SCUBE1: variants seen among roughly 807,000 people sequenced by gnomAD.
SCUBE1 encodes the protein signal peptide, CUB and EGF-like domain-containing protein 1.
In SCUBE1, 59 loss-of-function variants were observed where a neutral mutation model predicts 124.4. That is an observed-to-expected ratio of 0.47 (90% CI 0.38 to 0.59). The LOEUF is 0.59. Among genes scored for constraint, SCUBE1 ranks in the 20% least tolerant of loss-of-function variants. The pLI is 0.00. For synonymous variants in SCUBE1, 545 were observed against 550.9 expected (o/e 0.99, Z 0.15); for missense variants, 1,150 against 1,371.2 (o/e 0.84, Z 2.55).
At chr22:43,329,509 C>T (rs1926836128) in intron 2 of SCUBE1, among the ~76,000 whole-genome samples, 1 of 152,268 alleles carries the variant, frequency 6.6e-6, no homozygotes, top group Admixed American at 6.5e-5. Flanking sequence ...TGGACACACT[C>T]CCAGCTCCAC....
rs775714469 is a variant in SCUBE1, at chr22:43,218,360, C to T, written c.1786G>A (p.Val596Ile). ...TCGTACTCAGTGCCTGAGACCTGGACATAGAACTGCTGCCGGCCGATGGAC... is the reference window on the plus strand; with the variant it reads ...TCGTACTCAGTGCCTGAGACCTGGATATAGAACTGCTGCCGGCCGATGGAC... Reference protein sequence around the residue: ...RKSIGRQQFYVQVSGTEYEVA... With the variant: ...RKSIGRQQFYIQVSGTEYEVA... The change falls in exon 15 of 22, where the codon GTC (valine) becomes ATC (isoleucine). Residue 596 changes from valine to isoleucine, a missense_variant. By Grantham distance (29) the Val-to-Ile change is conservative (BLOSUM62 3). This residue lies in a region of SCUBE1 where 757 missense variants were observed against 840.9 expected (regional missense o/e 0.90). Coordinates refer to ENST00000360835, the MANE Select transcript of SCUBE1 (RefSeq NM_173050.5). 1.9e-6 allele frequency: 3 copies of T among 1,613,388 alleles called. No homozygotes were observed. The highest frequency in any genetic ancestry group is 1.3e-5 in the African/African-American group (1 of 74,956).
chr22:43,243,995 A>G (rs1388823115), intron 6 of SCUBE1, among the ~76,000 whole-genome samples: 1 of 152,176 alleles, frequency 6.6e-6, no homozygotes, highest in Non-Finnish European at 1.5e-5. Context: ...TGGTCTTCAC[A>G]GGCGGGTCAA....
intron 3 of SCUBE1, among the ~76,000 whole-genome samples, chr22:43,308,716 G>T (rs572725857): frequency 3.0e-4 from 46 of 152,296 alleles, no homozygotes; most frequent in Admixed American, 4.6e-4. Flanking sequence ...CTCCCCCAGG[G>T]TGCAGCTGGG....
chr22:43,337,316 G>A (rs1408471464), intron 2 of SCUBE1, among the ~76,000 whole-genome samples: 8 of 152,340 alleles, frequency 5.3e-5, no homozygotes, highest in Non-Finnish European at 7.4e-5. Context: ...GGGACAGCAG[G>A]AGAGGGCCTA....
At chr22:43,306,362 G>C (rs779723591) in intron 3 of SCUBE1, among the ~76,000 whole-genome samples, 2 of 152,132 alleles carry the variant, frequency 1.3e-5, no homozygotes, top group Non-Finnish European at 2.9e-5. Flanking sequence ...CTGCAAACAG[G>C]AACAGAGGAA....
chr22:43,237,442 T>A (rs1922814338), intron 7 of SCUBE1: 1 of 152,190 alleles, frequency 6.6e-6, no homozygotes, highest in African/African-American at 2.4e-5. Context: ...GCTGTGAAGA[T>A]GCCCAGATCT....
intron 2 of SCUBE1, among the ~76,000 whole-genome samples, chr22:43,336,527 T>C (rs1224544313): frequency 2.0e-5 from 3 of 152,292 alleles, no homozygotes; most frequent in East Asian, 1.9e-4. Flanking sequence ...GAACCTCTAA[T>C]TGAGGAGCTC....
At chr22:43,297,232 C>G (rs999462350) in intron 3 of SCUBE1, among the ~76,000 whole-genome samples, 1 of 152,260 alleles carries the variant, frequency 6.6e-6, no homozygotes, top group Non-Finnish European at 1.5e-5. Context: ...GCTTGGACCT[C>G]AGCTTCCTCT....
chr22:43,311,460 G>A lies in SCUBE1; in HGVS notation c.349+8477C>T, dbSNP rs372876137. Among the ~76,000 whole-genome samples the A allele has an allele frequency of 4.9e-5, 7 of 144,230 alleles. No homozygotes were observed. In the South Asian group the frequency reaches 8.8e-4, roughly 18 times the overall value. 94.6% of individuals were successfully genotyped at this position (144,230 alleles called of 152,430 possible). On this transcript the variant is annotated intron_variant, in intron 3 of 21. Coordinates refer to ENST00000360835, the MANE Select transcript of SCUBE1 (RefSeq NM_173050.5). ...TTTTTGGACAGAGTCTCACTCTGTC[G>A]CCCAGGCTGGAGTGCAGTGGTGTAA...
At chr22:43,240,739 G>A (rs1922971993) in intron 6 of SCUBE1, among the ~76,000 whole-genome samples, 2 of 152,216 alleles carry the variant, frequency 1.3e-5, no homozygotes, top group Admixed American at 6.5e-5. Context: ...GACAACCAGA[G>A]AGGGAACTCC....
At chr22:43,321,518 G>A (rs1926553998) in intron 2 of SCUBE1, among the ~76,000 whole-genome samples, 1 of 152,222 alleles carries the variant, frequency 6.6e-6, no homozygotes, top group Non-Finnish European at 1.5e-5. Context: ...GCAGAGCAAA[G>A]GGGATAACAA....
At chr22:43,221,139 T>A (rs762545862) in intron 13 of SCUBE1, 34 bp downstream of exon 13, 2 of 1,523,280 alleles carry the variant, frequency 1.3e-6, no homozygotes. Context: ...TACAGCCCCG[T>A]TGGTGTGGGT....
intron 6 of SCUBE1, among the ~76,000 whole-genome samples, chr22:43,252,442 C>G (rs1923489643): frequency 1.3e-5 from 2 of 152,212 alleles, no homozygotes; most frequent in South Asian, 4.1e-4. Flanking sequence ...ATCCGAGCCG[C>G]TCTCCTGAGG....
intron 6 of SCUBE1, among the ~76,000 whole-genome samples, chr22:43,257,124 G>A (rs760885963): frequency 1.1e-4 from 16 of 152,220 alleles, no homozygotes; most frequent in Admixed American, 2.6e-4. Flanking sequence ...TGACAGCCCC[G>A]GACTACAGAG....
chr22:43,239,190 G>T (rs570669675), intron 6 of SCUBE1, among the ~76,000 whole-genome samples: 12 of 152,230 alleles, frequency 7.9e-5, no homozygotes, highest in Non-Finnish European at 1.3e-4. Context: ...TGTGGTGAGG[G>T]ATGAGTACAC....
intron 3 of SCUBE1, among the ~76,000 whole-genome samples, chr22:43,308,323 A>G (rs527619663): frequency 2.6e-5 from 4 of 152,202 alleles, no homozygotes; most frequent in Admixed American, 6.5e-5. Flanking sequence ...TGGGCCAAGA[A>G]TGGGAAAAGG....
At chr22:43,314,079 G>C (rs1421048994) in intron 3 of SCUBE1, among the ~76,000 whole-genome samples, 4 of 152,128 alleles carry the variant, frequency 2.6e-5, no homozygotes, top group Non-Finnish European at 4.4e-5. Flanking sequence ...GATGGGCTGT[G>C]GGGTGAGGTT....
intron 3 of SCUBE1, among the ~76,000 whole-genome samples, chr22:43,300,726 T>C (rs940140874): frequency 5.3e-5 from 8 of 151,852 alleles, no homozygotes; most frequent in Non-Finnish European, 1.2e-4. Flanking sequence ...TACTCAGGAG[T>C]TCAGTGCAGG....
intron 3 of SCUBE1, among the ~76,000 whole-genome samples, chr22:43,294,843 G>A (rs866551392): frequency 4.9e-4 from 75 of 152,326 alleles, no homozygotes; most frequent in African/African-American, 1.8e-3. Flanking sequence ...CTCACACAGA[G>A]GTGAGCGTTG....
Sources: allele counts gnomAD v4.1 joint callset (sites outside exome capture counted in the v4.1 genomes callset), GRCh38; gene constraint gnomAD v4.1.1; regional missense constraint gnomAD v4.1.1; transcripts MANE v1.5; gene names NCBI Gene and HGNC (gene_info 2026-07-23, HGNC 2026-07-21).